The following STK32B variants were observed in gnomAD, a reference collection of about 807,000 sequenced individuals.
STK32B encodes serine/threonine kinase 32B.
Under a neutral mutation model 52.6 loss-of-function variants are expected in STK32B, and 43 were observed. The observed-to-expected ratio is 0.82, with a 90% CI of 0.64 to 1.05. The LOEUF (loss-of-function observed/expected upper bound fraction) is 1.05, where lower values mean the gene tolerates loss of function less well. Ranked by LOEUF, STK32B falls within the 50% of genes least tolerant of loss-of-function variation. STK32B has a pLI of 0.00. For synonymous variants in STK32B, 238 were observed against 204.3 expected, an observed-to-expected ratio of 1.17 and a Z score of -1.41; for missense variants, 621 against 534.6, an observed-to-expected ratio of 1.16 and a Z score of -1.59.
intron 3 of STK32B, among the ~76,000 whole-genome samples, chr4:5,250,379 C>A (rs1261100352): frequency 7.4e-6 from 1 of 135,940 alleles, no homozygotes; most frequent in Middle Eastern, 4.7e-3. Context: ...CTGATGTGAT[C>A]TTGGGTCACT....
intron 4 of STK32B, among the ~76,000 whole-genome samples, chr4:5,370,905 C>T (rs191026288): frequency 6.6e-5 from 10 of 151,556 alleles, no homozygotes; most frequent in African/African-American, 1.5e-4. Flanking sequence ...CCTAGGAGGT[C>T]GAGGCTACAG....
intron 3 of STK32B, among the ~76,000 whole-genome samples, chr4:5,279,927 G>A (rs1452303560): frequency 9.2e-5 from 14 of 152,172 alleles, no homozygotes; most frequent in Admixed American, 9.2e-4. Flanking sequence ...GCAAGGCCCT[G>A]GGCCTCACTC....
At chr4:5,363,907 G>C (rs183991523) in intron 4 of STK32B, among the ~76,000 whole-genome samples, 1 of 151,662 alleles carries the variant, frequency 6.6e-6, no homozygotes, top group Non-Finnish European at 1.5e-5. Flanking sequence ...GGCATATTCA[G>C]ATGAAATCAG....
intron 7 of STK32B, among the ~76,000 whole-genome samples, chr4:5,452,455 A>C (rs1716092144): frequency 6.6e-6 from 1 of 152,110 alleles, no homozygotes; most frequent in African/African-American, 2.4e-5. Context: ...GGAGTCTGTG[A>C]TCTCCATTCA....
Position 5,133,463 on chromosome 4 carries a change from A to G in STK32B, c.53-6442A>G, listed in dbSNP as rs116088340. Among the ~76,000 whole-genome samples, 535 of 152,208 alleles carry G rather than the reference A, an allele frequency of 3.5e-3. 5 individuals carry two copies. Among genetic ancestry groups the G allele is most frequent in the African/African-American group, 0.012 (509 of 41,546 alleles). On this transcript the variant is annotated intron_variant, in intron 1 of 11. Coordinates refer to ENST00000282908, the MANE Select transcript of STK32B (RefSeq NM_018401.3). ...TACCCATACTCCCACTACTCAATGT[A>G]GGTCATTCATTCATGCATATATGTC...
Position 5,411,783 on chromosome 4 carries a change from T to A in STK32B, c.473-5062T>A, listed in dbSNP as rs374754586. ...GAACCCAACCATGCTGGCACCCTGA[T>A]CTCAGACTACTGGACTTTGCAACTG... On this transcript the variant is annotated intron_variant, in intron 5 of 11. Coordinates refer to ENST00000282908, the MANE Select transcript of STK32B (RefSeq NM_018401.3). 2.8e-4 allele frequency among the ~76,000 whole-genome samples: 42 copies of A among 152,158 alleles called. No homozygotes were observed. In the East Asian group the frequency reaches 3.1e-3, roughly 11 times the overall value.
intron 4 of STK32B, among the ~76,000 whole-genome samples, chr4:5,397,612 C>T (rs1737002553): frequency 1.3e-5 from 2 of 152,220 alleles, no homozygotes; most frequent in African/African-American, 4.8e-5. Flanking sequence ...TTGACGACCA[C>T]ATTAATCTCT....
chr4:5,339,015 T>G (rs1431335509), intron 4 of STK32B, among the ~76,000 whole-genome samples: 1 of 152,196 alleles, frequency 6.6e-6, no homozygotes, highest in Non-Finnish European at 1.5e-5. Flanking sequence ...ACGATTCCTC[T>G]GAGGGCCTGA....
chr4:5,456,812 G>T lies in STK32B; in HGVS notation c.672G>T (p.Pro224=). The T allele has an allele frequency of 1.3e-6, 2 of 1,576,714 alleles. No individual in the cohort carries two copies. Among genetic ancestry groups the T allele is most frequent in the East Asian group, 2.3e-5 (1 of 43,266 alleles). The change falls in exon 8 of 12, where the codon CCG becomes CCT. Residue 224 remains proline (P), a synonymous_variant. Transcript: ENST00000282908. ...CTGTTGTTCTTTGATTGCAGAGGCCGTACGAAATCCACTCGGTCACGCCCA... is the reference window on the plus strand; with the variant it reads ...CTGTTGTTCTTTGATTGCAGAGGCCTTACGAAATCCACTCGGTCACGCCCA... The part of the protein sequence containing the change: ...TAYELLRGWR[P]YEIHSVTPID...
intron 3 of STK32B, among the ~76,000 whole-genome samples, chr4:5,230,507 G>A (rs1173148135): frequency 1.3e-5 from 2 of 152,126 alleles, no homozygotes; most frequent in South Asian, 2.1e-4. Context: ...ACTTTTACAA[G>A]ACATTGTCCT....
intron 3 of STK32B, among the ~76,000 whole-genome samples, chr4:5,265,198 C>T (rs1726982040): frequency 6.6e-6 from 1 of 152,174 alleles, no homozygotes; most frequent in African/African-American, 2.4e-5. Flanking sequence ...TTTGGTCCTT[C>T]GTTAGAATCT....
At chr4:5,312,136 A>G (rs910310091) in intron 3 of STK32B, among the ~76,000 whole-genome samples, 4 of 151,656 alleles carry the variant, frequency 2.6e-5, no homozygotes, top group African/African-American at 9.7e-5. Context: ...GATTGTATAC[A>G]ATTTTTTTCT....
chr4:5,316,977 A>T (rs866058454), intron 3 of STK32B, among the ~76,000 whole-genome samples: 38 of 17,710 alleles, frequency 2.1e-3, no homozygotes, highest in East Asian at 7.4e-3. Flanking sequence ...TAATATATAT[A>T]ATATATAATA....
chr4:5,098,485 G>A (rs944808729), intron 1 of STK32B, among the ~76,000 whole-genome samples: 1 of 152,208 alleles, frequency 6.6e-6, no homozygotes, highest in South Asian at 2.1e-4. Flanking sequence ...TATGTGGTAT[G>A]CATGTGTGTG....
intron 1 of STK32B, among the ~76,000 whole-genome samples, chr4:5,094,217 G>A (rs1356670034): frequency 2.0e-5 from 3 of 152,172 alleles, no homozygotes; most frequent in South Asian, 2.1e-4. Flanking sequence ...AAAGGAAGGC[G>A]AAGGATCTAA....
intron 3 of STK32B, among the ~76,000 whole-genome samples, chr4:5,313,189 A>G (rs1405458754): frequency 1.3e-5 from 2 of 151,716 alleles, no homozygotes; most frequent in Non-Finnish European, 1.5e-5. Flanking sequence ...ACACACCACA[A>G]CAAATTGAGA....
intron 4 of STK32B, among the ~76,000 whole-genome samples, chr4:5,374,361 A>G (rs1441596011): frequency 6.6e-6 from 1 of 152,182 alleles, no homozygotes; most frequent in Non-Finnish European, 1.5e-5. Flanking sequence ...GCTTTTTGCT[A>G]AGATAAGTGT....
intron 1 of STK32B, among the ~76,000 whole-genome samples, chr4:5,099,454 G>GCGTGCGCGTGCACGCGCGTGCGCGCGCA (rs1553823531): frequency 1.5e-5 from 2 of 129,744 alleles, no homozygotes; most frequent in African/African-American, 5.1e-5. Flanking sequence ...GTGTGTGCGC[G>GCGTGCGCGTGCACGCGCGTGCGCGCGCA]CGCGCGTATG....
At chr4:5,119,979 GA>G (rs1714937542) in intron 1 of STK32B, among the ~76,000 whole-genome samples, 1 of 152,188 alleles carries the variant, frequency 6.6e-6, no homozygotes, top group Non-Finnish European at 1.5e-5. Flanking sequence ...CGGTTTCAGT[GA>G]ACCTTGGTCA....
Sources: allele counts gnomAD v4.1 joint callset (sites outside exome capture counted in the v4.1 genomes callset), GRCh38; gene constraint gnomAD v4.1.1; transcripts MANE v1.5; gene names NCBI Gene and HGNC (gene_info 2026-07-23, HGNC 2026-07-21).